Variants in NRG4 observed in about 807,000 individuals in gnomAD.
NRG4 encodes pro-neuregulin-4, membrane-bound isoform.
Under a neutral mutation model 15.0 loss-of-function variants are expected in NRG4, and 10 were observed. That is an observed-to-expected ratio of 0.67 (90% CI 0.41 to 1.13). The LOEUF (loss-of-function observed/expected upper bound fraction) is 1.13. NRG4 is among the 50% of genes most tolerant of loss of function. NRG4 has a pLI of 0.00. For missense variants in NRG4, 139 were observed against 140.2 expected (o/e 0.99, Z 0.04); for synonymous variants, 41 against 50.1 (o/e 0.82, Z 0.77).
intron 4 of NRG4, among the ~76,000 whole-genome samples, chr15:76,050,516 C>T (rs771171354): frequency 2.7e-4 from 39 of 145,416 alleles, no homozygotes; most frequent in Non-Finnish European, 5.5e-4. Context: ...CTGCAACCTC[C>T]GCCTCCCAGG....
At chr15:75,987,645 G>C (rs556531723) in intron 3 of NRG4, among the ~76,000 whole-genome samples, 2 of 152,304 alleles carry the variant, frequency 1.3e-5, no homozygotes, top group Admixed American at 1.3e-4. Flanking sequence ...GAATCAGCTA[G>C]CACCTTGACC....
chr15:75,996,826 A>G (rs952397284), intron 3 of NRG4, among the ~76,000 whole-genome samples: 8 of 152,214 alleles, frequency 5.3e-5, no homozygotes, highest in Non-Finnish European at 1.0e-4. Flanking sequence ...GGTGAAATGT[A>G]TTATAGGAAT....
chr15:75,975,417 T>G (rs574588605), intron 3 of NRG4, among the ~76,000 whole-genome samples: 1 of 152,216 alleles, frequency 6.6e-6, no homozygotes, highest in Non-Finnish European at 1.5e-5. Context: ...ATTTTGCCTG[T>G]TAATTGATGC....
chr15:75,956,906 T>C (rs574187263), intron 4 of NRG4, among the ~76,000 whole-genome samples: 1 of 152,302 alleles, frequency 6.6e-6, no homozygotes, highest in African/African-American at 2.4e-5. Context: ...ATTTATCCTG[T>C]TTTTTAGCTT....
At chr15:75,995,202 A>C (rs940041685) in intron 3 of NRG4, among the ~76,000 whole-genome samples, 1 of 151,874 alleles carries the variant, frequency 6.6e-6, no homozygotes. Context: ...TGTCTCAAAA[A>C]AAAAAAGAAA....
chr15:75,974,801 G>A (rs774941900), intron 3 of NRG4, among the ~76,000 whole-genome samples: 13 of 152,260 alleles, frequency 8.5e-5, no homozygotes, highest in Non-Finnish European at 1.5e-4. Context: ...GAATAAGTGC[G>A]ATGTGGTGCT....
intron 3 of NRG4, among the ~76,000 whole-genome samples, chr15:75,996,054 A>G (rs1171125730): frequency 6.6e-6 from 1 of 152,224 alleles, no homozygotes; most frequent in Non-Finnish European, 1.5e-5. Flanking sequence ...TTGGCTTCCC[A>G]TACATGTCAG....
intron 4 of NRG4, among the ~76,000 whole-genome samples, chr15:75,961,275 G>C (rs1428484509): frequency 6.6e-6 from 1 of 151,618 alleles, no homozygotes; most frequent in African/African-American, 2.4e-5. Flanking sequence ...CTTCATGCAA[G>C]TAGTTTTTTT....
At chr15:75,992,494 A>G in intron 3 of NRG4, among the ~76,000 whole-genome samples, 1 of 152,230 alleles carries the variant, frequency 6.6e-6, no homozygotes, top group South Asian at 2.1e-4. Flanking sequence ...TTTATTATTT[A>G]TATGATATAA....
chr15:75,999,146 A>G (rs1230778781), intron 3 of NRG4, among the ~76,000 whole-genome samples: 1 of 152,208 alleles, frequency 6.6e-6, no homozygotes, highest in Admixed American at 6.5e-5. Flanking sequence ...GAATTCATTC[A>G]TTCATTTAAT....
At chr15:75,964,915 C>T in intron 3 of NRG4, among the ~76,000 whole-genome samples, 1 of 151,144 alleles carries the variant, frequency 6.6e-6, no homozygotes, top group East Asian at 2.0e-4. Flanking sequence ...GAGTGAGAGG[C>T]TATTCCAAAT....
chr15:75,981,234 T>C (rs1201447765), intron 3 of NRG4, among the ~76,000 whole-genome samples: 1 of 152,144 alleles, frequency 6.6e-6, no homozygotes, highest in African/African-American at 2.4e-5. Flanking sequence ...ATACTCCCTT[T>C]TGGTCTCCAT....
chr15:76,018,154 G>T (rs541543435), intron 5 of NRG4, among the ~76,000 whole-genome samples: 2 of 152,122 alleles, frequency 1.3e-5, no homozygotes, highest in East Asian at 3.9e-4. Context: ...TGAAGTTCTC[G>T]TGCTATGTTT....
chr15:76,022,022 A>G (rs1380685744), intron 5 of NRG4, among the ~76,000 whole-genome samples: 1 of 152,200 alleles, frequency 6.6e-6, no homozygotes, highest in Non-Finnish European at 1.5e-5. Context: ...AATAGGGTCC[A>G]TGCTCTATGA....
intron 5 of NRG4, among the ~76,000 whole-genome samples, chr15:76,022,064 G>T (rs2035172013): frequency 6.6e-6 from 1 of 152,176 alleles, no homozygotes; most frequent in South Asian, 2.1e-4. Context: ...TTGATAGGAG[G>T]CGGAGCACAG....
chr15:75,975,179 C>CT (rs1351258915), intron 3 of NRG4, among the ~76,000 whole-genome samples: 3 of 151,888 alleles, frequency 2.0e-5, no homozygotes, highest in East Asian at 3.9e-4. Context: ...TAACCCCTTT[C>CT]TTTTTTTTCT....
At chr15:76,053,463 A>G (rs2036073998) in intron 2 of NRG4, 1 of 151,118 alleles carries the variant, frequency 6.6e-6, no homozygotes, top group South Asian at 2.1e-4. Context: ...GGTGTCTGAC[A>G]TATGGCAAGT....
chr15:76,033,222 TTTTTGTTTTG>T (rs1406382268), intron 5 of NRG4, among the ~76,000 whole-genome samples: 1 of 152,234 alleles, frequency 6.6e-6, no homozygotes, highest in African/African-American at 2.4e-5. Flanking sequence ...TGTAAAAGTT[TTTTTGTTTTG>T]TTTTGTTTTA....
chr15:76,030,470 A>G (rs1208522162), intron 5 of NRG4, among the ~76,000 whole-genome samples: 1 of 152,214 alleles, frequency 6.6e-6, no homozygotes, highest in Non-Finnish European at 1.5e-5. Flanking sequence ...AAAGGCATCA[A>G]GGACTCTCAT....
Sources: allele counts gnomAD v4.1 joint callset (sites outside exome capture counted in the v4.1 genomes callset), GRCh38; gene constraint gnomAD v4.1.1; transcripts MANE v1.5; gene names NCBI Gene and HGNC (gene_info 2026-07-23, HGNC 2026-07-21).